The following KDM4C variants were observed in gnomAD, a reference collection of about 807,000 sequenced individuals.
KDM4C encodes the protein lysine-specific demethylase 4C.
KDM4C carries 81 observed loss-of-function variants against 129.3 expected under a neutral mutation model. That is an observed-to-expected ratio of 0.63 (90% CI 0.52 to 0.75). KDM4C has a LOEUF of 0.75. KDM4C is among the 30% of genes least tolerant of loss of function. The probability of loss-of-function intolerance (pLI) is 0.00; values close to 1 mark genes in which losing one functional copy is unlikely to be tolerated. For synonymous variants in KDM4C, 573 were observed against 456.1 expected (o/e 1.26, Z -3.26); for missense variants, 1,457 against 1,304.0 (o/e 1.12, Z -1.81).
At chr9:6,876,472 T>C (rs866628730) in intron 5 of KDM4C, among the ~76,000 whole-genome samples, 22 of 152,338 alleles carry the variant, frequency 1.4e-4, no homozygotes, top group Middle Eastern at 3.4e-3. Context: ...GATGGTGCTT[T>C]CCAGTTCTTG....
rs186350661 is a variant in KDM4C at position 6,805,031 on chromosome 9, G to A, written c.145-568G>A. Among the ~76,000 whole-genome samples, 359 of 152,108 alleles carry A rather than the reference G, an allele frequency of 2.4e-3. 3 individuals carry two copies. Among genetic ancestry groups the A allele is most frequent in the African/African-American group, 8.0e-3 (334 of 41,526 alleles). On this transcript the variant is annotated intron_variant, in intron 2 of 21. Transcript: ENST00000381309. ...TTCTCCTGCCTCAGCCTCCCGGGTA[G>A]CTGGGACTACAGGTGCGTGCCACCA...
At chr9:6,924,786 T>C (rs1418967005) in intron 8 of KDM4C, 17 of 981,436 alleles carry the variant, frequency 1.7e-5, no homozygotes, top group Non-Finnish European at 2.1e-5. Flanking sequence ...TTATTTTCCC[T>C]GTATATTCTT....
At chr9:6,974,520 A>C (rs907670942) in intron 8 of KDM4C, among the ~76,000 whole-genome samples, 1 of 152,048 alleles carries the variant, frequency 6.6e-6, no homozygotes, top group Non-Finnish European at 1.5e-5. Flanking sequence ...ACCATGCCTG[A>C]GTAATTTTTG....
At position 6,842,079 on chromosome 9, in the gene KDM4C, C is replaced by G. The variant is rs1440722149; in HGVS notation, c.436-7428C>G. Among the ~76,000 whole-genome samples the G allele has an allele frequency of 2.6e-5, 4 of 152,168 alleles. No individual in the cohort carries two copies. The South Asian group carries it at 6.2e-4, about 24-fold the overall frequency. ...TTCCTACCACTTGTATAGTCTCACT[C>G]CAGTTACTGGACACATTTATGGAGT... On this transcript the variant is annotated intron_variant, in intron 4 of 21. Transcript: ENST00000381309.
chr9:6,968,691 A>G (rs1035173372), intron 8 of KDM4C, among the ~76,000 whole-genome samples: 1 of 152,162 alleles, frequency 6.6e-6, no homozygotes, highest in African/African-American at 2.4e-5. Context: ...TTGTAGTTCA[A>G]TGCCAGTTAC....
At chr9:6,972,072 C>A (rs541051912) in intron 8 of KDM4C, among the ~76,000 whole-genome samples, 3 of 151,920 alleles carry the variant, frequency 2.0e-5, no homozygotes, top group African/African-American at 7.3e-5. Flanking sequence ...TATGATTACA[C>A]GTGGCAAGTG....
chr9:6,787,065 T>C (rs1825644716), intron 1 of KDM4C, among the ~76,000 whole-genome samples: 1 of 152,228 alleles, frequency 6.6e-6, no homozygotes, highest in Non-Finnish European at 1.5e-5. Flanking sequence ...GATTTGTAGG[T>C]AGAAATAGTT....
intron 5 of KDM4C, among the ~76,000 whole-genome samples, chr9:6,868,857 A>G (rs1375810821): frequency 6.6e-6 from 1 of 152,138 alleles, no homozygotes; most frequent in Admixed American, 6.5e-5. Context: ...CAGAGTTGAT[A>G]TCAACTAATT....
chr9:6,837,818 C>T (rs1163572473), intron 4 of KDM4C, among the ~76,000 whole-genome samples: 1 of 152,054 alleles, frequency 6.6e-6, no homozygotes, highest in Non-Finnish European at 1.5e-5. Context: ...TTTTAATGAA[C>T]AAATGTCTTA....
At chr9:7,072,727 A>G (rs1488515710) in intron 17 of KDM4C, among the ~76,000 whole-genome samples, 18 of 152,232 alleles carry the variant, frequency 1.2e-4, no homozygotes, top group Non-Finnish European at 1.3e-4. Flanking sequence ...GGAAACTTAC[A>G]GAAGTATACA....
At chr9:7,019,727 T>TCACCCA (rs1246290189) in intron 15 of KDM4C, among the ~76,000 whole-genome samples, 1 of 107,158 alleles carries the variant, frequency 9.3e-6, no homozygotes, top group Non-Finnish European at 1.8e-5. Flanking sequence ...ATATAATATT[T>TCACCCA]TTATATATAA....
chr9:7,173,921 A>G (rs968835815), intron 21 of KDM4C, among the ~76,000 whole-genome samples: 2 of 152,158 alleles, frequency 1.3e-5, no homozygotes, highest in Non-Finnish European at 2.9e-5. Flanking sequence ...GGCCCAGGGA[A>G]CAGGAGTGGA....
intron 5 of KDM4C, among the ~76,000 whole-genome samples, chr9:6,879,580 G>A (rs937483599): frequency 3.9e-5 from 6 of 152,066 alleles, no homozygotes; most frequent in African/African-American, 1.4e-4. Context: ...TTAAAATTTA[G>A]AAAGAGAGCA....
chr9:6,834,910 G>C (rs1296480726), intron 4 of KDM4C: 1 of 1,208,642 alleles, frequency 8.3e-7, no homozygotes, highest in African/African-American at 1.5e-5. Context: ...CTGGTACCGT[G>C]ATGGACTCCG....
rs1203384065 is a variant in KDM4C at position 6,752,210 on chromosome 9, G to A, written c.49+31213G>A. ...TAGCCGGGCATGGTGGCGCGCGCCT[G>A]TAGTCCCAGCTACACGGGAGGCTGA... is the stretch of plus-strand genomic sequence containing the variant. On this transcript the variant is annotated intron_variant, in intron 1 of 17. Coordinates refer to the KDM4C transcript ENST00000536108. Among the ~76,000 whole-genome samples the A allele has an allele frequency of 2.7e-5, 4 of 150,014 alleles. 1 individual carries two copies. The highest frequency in any genetic ancestry group is 9.9e-5 in the African/African-American group (4 of 40,576).
At chr9:6,933,465 A>T (rs961320236) in intron 8 of KDM4C, among the ~76,000 whole-genome samples, 5 of 152,218 alleles carry the variant, frequency 3.3e-5, no homozygotes, top group African/African-American at 1.2e-4. Context: ...TTCAGGGTCA[A>T]CTTTCCTTTT....
intron 19 of KDM4C, among the ~76,000 whole-genome samples, chr9:7,163,967 C>T (rs960591551): frequency 2.0e-5 from 3 of 152,158 alleles, no homozygotes; most frequent in Admixed American, 1.3e-4. Flanking sequence ...CCTAACCCAG[C>T]AATCAAATGG....
intron 8 of KDM4C, among the ~76,000 whole-genome samples, chr9:6,938,874 C>T (rs1002209596): frequency 6.6e-6 from 1 of 151,978 alleles, no homozygotes; most frequent in African/African-American, 2.4e-5. Flanking sequence ...ATTGTTCTTT[C>T]ATAGAGGTTA....
At chr9:6,899,307 TAAAG>T (rs764148021) in intron 8 of KDM4C, among the ~76,000 whole-genome samples, 5 of 152,050 alleles carry the variant, frequency 3.3e-5, no homozygotes, top group Non-Finnish European at 5.9e-5. Context: ...TTGTTACAAA[TAAAG>T]AACCTACAAT....
Sources: allele counts gnomAD v4.1 joint callset (sites outside exome capture counted in the v4.1 genomes callset), GRCh38; gene constraint gnomAD v4.1.1; transcripts MANE v1.5; gene names NCBI Gene and HGNC (gene_info 2026-07-23, HGNC 2026-07-21).